PCDH15: variants seen among roughly 807,000 people sequenced by gnomAD.
PCDH15 encodes protocadherin related 15, also known as protocadherin-15.
PCDH15 carries 129 observed loss-of-function variants against 178.5 expected under a neutral mutation model. That is an observed-to-expected ratio of 0.72 (90% CI 0.63 to 0.84). The LOEUF is 0.84. Ranked by LOEUF, PCDH15 falls within the 40% of genes least tolerant of loss-of-function variation. The probability of loss-of-function intolerance (pLI) is 0.00; values close to 1 mark genes in which losing one functional copy is unlikely to be tolerated. For synonymous variants in PCDH15, 800 were observed against 732.0 expected, an observed-to-expected ratio of 1.09 and a Z score of -1.50; for missense variants, 2,230 against 2,099.9, an observed-to-expected ratio of 1.06 and a Z score of -1.21.
intron 15 of PCDH15, among the ~76,000 whole-genome samples, chr10:54,100,517 C>T (rs1475922952): frequency 6.6e-6 from 1 of 152,170 alleles, no homozygotes; most frequent in Non-Finnish European, 1.5e-5. Flanking sequence ...TCAGTGACAT[C>T]ATTCTGATAC....
At chr10:54,257,049 TTAGATAGATAGATAGATAGA>T (rs10569518) in intron 8 of PCDH15, among the ~76,000 whole-genome samples, 3 of 149,396 alleles carry the variant, frequency 2.0e-5, no homozygotes, top group Non-Finnish European at 4.5e-5. Flanking sequence ...TCTCGATAGA[TTAGATAGATAGATAGATAGA>T]TAGATAGATA....
At chr10:54,469,593 G>C (rs2077754672) in intron 3 of PCDH15, among the ~76,000 whole-genome samples, 1 of 152,186 alleles carries the variant, frequency 6.6e-6, no homozygotes, top group Non-Finnish European at 1.5e-5. Context: ...ATTGGCGGCA[G>C]TGCAGGTCAA....
chr10:55,088,981 T>A (rs1485967654), intron 2 of PCDH15, among the ~76,000 whole-genome samples: 1 of 152,088 alleles, frequency 6.6e-6, no homozygotes, highest in Non-Finnish European at 1.5e-5. Context: ...TTGGGAGAAA[T>A]ATATATTCTA....
intron 20 of PCDH15, among the ~76,000 whole-genome samples, chr10:54,015,423 A>C (rs1045963465): frequency 2.6e-5 from 4 of 152,174 alleles, no homozygotes; most frequent in African/African-American, 9.7e-5. Flanking sequence ...ATCAAACCAA[A>C]AATAAGCTTG....
chr10:55,468,884 T>C (rs1291702896), intron 2 of PCDH15, among the ~76,000 whole-genome samples: 1 of 152,172 alleles, frequency 6.6e-6, no homozygotes, highest in East Asian at 1.9e-4. Flanking sequence ...TTTCACACAC[T>C]GTCACCTAAT....
intron 2 of PCDH15, among the ~76,000 whole-genome samples, chr10:55,006,262 C>T (rs1839926001): frequency 1.3e-5 from 2 of 152,102 alleles, no homozygotes; most frequent in South Asian, 4.1e-4. Context: ...ATCACTCCTT[C>T]TTCTCCCACC....
At chr10:54,882,849 A>G (rs1049143510) in intron 3 of PCDH15, among the ~76,000 whole-genome samples, 1 of 152,088 alleles carries the variant, frequency 6.6e-6, no homozygotes, top group African/African-American at 2.4e-5. Flanking sequence ...AAGACATTGC[A>G]AAGTGAATTA....
At chr10:54,529,662 C>CT (rs1007860991) in intron 2 of PCDH15, among the ~76,000 whole-genome samples, 3 of 152,082 alleles carry the variant, frequency 2.0e-5, no homozygotes, top group Non-Finnish European at 1.5e-5. Flanking sequence ...TCATTGTTGC[C>CT]TTTTTTTGCC....
intron 2 of PCDH15, among the ~76,000 whole-genome samples, chr10:55,135,574 C>CTTTTTTTTTTTTT (rs56956557): frequency 7.3e-5 from 5 of 68,220 alleles, no homozygotes; most frequent in Admixed American, 2.0e-4. Flanking sequence ...TCTTTTCTTT[C>CTTTTTTTTTTTTT]TTTTTTTTTT....
intron 2 of PCDH15, among the ~76,000 whole-genome samples, chr10:54,949,638 T>G (rs1460063734): frequency 1.3e-5 from 2 of 152,044 alleles, no homozygotes; most frequent in Non-Finnish European, 2.9e-5. Flanking sequence ...TCCCTTTAAG[T>G]TGCAATTCCA....
intron 2 of PCDH15, among the ~76,000 whole-genome samples, chr10:54,557,604 A>G (rs1258331275): frequency 2.0e-5 from 3 of 152,184 alleles, no homozygotes; most frequent in Non-Finnish European, 2.9e-5. Context: ...GAGGCCATAG[A>G]AATCATCACC....
At chr10:54,104,126 C>T (rs1348508428) in intron 15 of PCDH15, among the ~76,000 whole-genome samples, 1 of 152,158 alleles carries the variant, frequency 6.6e-6, no homozygotes, top group African/African-American at 2.4e-5. Context: ...GAGGCCATCA[C>T]TGTTGCTTCA....
intron 1 of PCDH15, among the ~76,000 whole-genome samples, chr10:54,672,072 G>A (rs568547952): frequency 1.3e-5 from 2 of 152,206 alleles, no homozygotes; most frequent in African/African-American, 4.8e-5. Flanking sequence ...CAGGTTGCAT[G>A]TTCCTTACGA....
intron 8 of PCDH15, among the ~76,000 whole-genome samples, chr10:54,313,361 G>A (rs1684931802): frequency 6.6e-6 from 1 of 151,914 alleles, no homozygotes; most frequent in Non-Finnish European, 1.5e-5. Context: ...TTTATCCTTG[G>A]ACTAGTTCTA....
intron 1 of PCDH15, among the ~76,000 whole-genome samples, chr10:55,287,763 G>A (rs1649930781): frequency 6.6e-6 from 1 of 151,896 alleles, no homozygotes; most frequent in South Asian, 2.1e-4. Flanking sequence ...ATTAGAAAGG[G>A]AAGTGAATTG....
intron 19 of PCDH15, among the ~76,000 whole-genome samples, chr10:54,022,073 T>G (rs1215547492): frequency 6.6e-6 from 1 of 151,950 alleles, no homozygotes; most frequent in African/African-American, 2.4e-5. Context: ...TGGAAAAGTA[T>G]GCTAAAAACA....
At chr10:53,822,349 G>A (rs1341385695) in intron 32 of PCDH15, 2 of 1,582,610 alleles carry the variant, frequency 1.3e-6, no homozygotes, top group Admixed American at 1.8e-5. Context: ...AAAAATGTAG[G>A]AGGAGGAAGA....
At chr10:54,813,407 C>T (rs1243741006) in intron 3 of PCDH15, among the ~76,000 whole-genome samples, 1 of 152,164 alleles carries the variant, frequency 6.6e-6, no homozygotes, top group Non-Finnish European at 1.5e-5. Flanking sequence ...CCCTTGAAAC[C>T]TTCCACTATT....
intron 2 of PCDH15, among the ~76,000 whole-genome samples, chr10:55,098,778 G>A (rs1842504388): frequency 6.6e-6 from 1 of 152,008 alleles, no homozygotes; most frequent in African/African-American, 2.4e-5. Context: ...GGTATAATTT[G>A]CGGTGGGCTG....
Sources: allele counts gnomAD v4.1 joint callset (sites outside exome capture counted in the v4.1 genomes callset), GRCh38; gene constraint gnomAD v4.1.1; transcripts MANE v1.5; gene names NCBI Gene and HGNC (gene_info 2026-07-23, HGNC 2026-07-21).